HS2ST1: variants seen among roughly 807,000 people sequenced by gnomAD.
HS2ST1 encodes 2-O-sulfotransferase.
A neutral mutation model predicts 42.9 loss-of-function variants in HS2ST1; 18 were observed. That is an observed-to-expected ratio of 0.42 (90% CI 0.29 to 0.62). The LOEUF (loss-of-function observed/expected upper bound fraction) is 0.62. Among genes scored for constraint, HS2ST1 ranks in the 20% least tolerant of loss-of-function variants. The probability of loss-of-function intolerance (pLI) is 0.21; values close to 1 mark genes in which losing one functional copy is unlikely to be tolerated. For synonymous variants in HS2ST1, 146 were observed against 152.9 expected, an observed-to-expected ratio of 0.95 and a Z score of 0.33; for missense variants, 334 against 433.8, an observed-to-expected ratio of 0.77 and a Z score of 2.04.
At chr1:87,044,909 T>G in intron 1 of HS2ST1, 2 of 1,459,366 alleles carry the variant, frequency 1.4e-6, no homozygotes, top group Non-Finnish European at 1.9e-6. Context: ...GTAAGAGGGC[T>G]CTGTTTAGAG....
intron 1 of HS2ST1, among the ~76,000 whole-genome samples, chr1:86,956,082 A>G (rs1484150116): frequency 1.3e-5 from 2 of 152,236 alleles, no homozygotes; most frequent in African/African-American, 2.4e-5. Flanking sequence ...ATATGTGTGT[A>G]TATATACATA....
At chr1:87,015,309 G>A (rs538113290) in intron 1 of HS2ST1, among the ~76,000 whole-genome samples, 78 of 150,874 alleles carry the variant, frequency 5.2e-4, no homozygotes, top group African/African-American at 1.8e-3. Flanking sequence ...GCCTCCCAAA[G>A]TGCTGGGATT....
intron 1 of HS2ST1, among the ~76,000 whole-genome samples, chr1:86,970,888 C>T (rs1487354648): frequency 6.6e-6 from 1 of 152,020 alleles, no homozygotes; most frequent in Non-Finnish European, 1.5e-5. Flanking sequence ...AAATAATTTA[C>T]AGGTCAAATA....
chr1:86,995,117 T>A (rs758561090), intron 1 of HS2ST1, among the ~76,000 whole-genome samples: 1 of 152,256 alleles, frequency 6.6e-6, no homozygotes, highest in Non-Finnish European at 1.5e-5. Flanking sequence ...GATGAAAGAG[T>A]CTAAACCTGT....
At chr1:87,059,658 G>A (rs894833447) in intron 1 of HS2ST1, among the ~76,000 whole-genome samples, 1 of 152,146 alleles carries the variant, frequency 6.6e-6, no homozygotes, top group Admixed American at 6.5e-5. Context: ...ATGATATTTT[G>A]TATTTTAAAA....
intron 1 of HS2ST1, among the ~76,000 whole-genome samples, chr1:86,943,887 A>G (rs1199731): frequency 0.37 from 55,768 of 151,750 alleles, 12,229 homozygotes; most frequent in African/African-American, 0.62. Flanking sequence ...TTAGCTGGGC[A>G]TGGTGGCGGG....
rs186983743 is a variant in HS2ST1 at position 86,953,784 on chromosome 1, A to G, written c.124+38624A>G. 3.0e-3 allele frequency among the ~76,000 whole-genome samples: 457 copies of G among 152,050 alleles called. 2 individuals are homozygous for G. The highest frequency in any genetic ancestry group is 0.01 in the African/African-American group (424 of 41,518). On this transcript the variant is annotated intron_variant, in intron 1 of 6. Transcript: ENST00000370550. The stretch of plus-strand genomic sequence containing the variant: ...CAAAAAATAAAAAAATTTAAAAATA[A>G]AGTGAATGACATGGGACTCTTCCTT...
Position 86,964,007 on chromosome 1 carries a change from C to T in HS2ST1, c.124+48847C>T, listed in dbSNP as rs564360793. Among the ~76,000 whole-genome samples the T allele has an allele frequency of 1.1e-4, 16 of 150,278 alleles. No homozygotes were observed. In the South Asian group the frequency reaches 1.7e-3, roughly 16 times the overall value. On this transcript the variant is annotated intron_variant, in intron 1 of 6. Coordinates refer to ENST00000370550, the MANE Select transcript of HS2ST1 (RefSeq NM_012262.4). Reference sequence around the variant, plus strand: ...CTCCTCACTTCTCAGACAGGGCGGCCGGGCAGAGACGCTCCTCACCTCCCA... The same window carrying T: ...CTCCTCACTTCTCAGACAGGGCGGCTGGGCAGAGACGCTCCTCACCTCCCA...
Position 87,053,017 on chromosome 1 carries a change from T to C in HS2ST1, c.125-19917T>C, listed in dbSNP as rs540187454. On this transcript the variant is annotated intron_variant, in intron 1 of 6. Transcript: ENST00000370550. ...AAATGCTCCAAGTAATTCTGATGCA[T>C]GCTCAGTTTGAGAACCACTGCTTTA... Among the ~76,000 whole-genome samples, 10 of 152,316 alleles carry C rather than the reference T, an allele frequency of 6.6e-5. No individual in the cohort carries two copies. In the East Asian group the frequency reaches 1.9e-3, roughly 29 times the overall value.
chr1:87,011,218 T>G (rs12135819), intron 1 of HS2ST1, among the ~76,000 whole-genome samples: 105,890 of 152,046 alleles, frequency 0.7, 39,164 homozygotes, highest in East Asian at 0.97. Flanking sequence ...TGTTCAGTTA[T>G]AATTCCTTTT....
intron 1 of HS2ST1, among the ~76,000 whole-genome samples, chr1:86,920,352 T>C (rs539977282): frequency 6.6e-6 from 1 of 152,242 alleles, no homozygotes; most frequent in African/African-American, 2.4e-5. Flanking sequence ...TACAAGTAAG[T>C]TCCTGAAACC....
chr1:86,948,759 G>A (rs900128457), intron 1 of HS2ST1, among the ~76,000 whole-genome samples: 1 of 152,068 alleles, frequency 6.6e-6, no homozygotes, highest in Non-Finnish European at 1.5e-5. Flanking sequence ...ACGGTTTTAG[G>A]ATCTGTTATT....
At chr1:86,998,532 C>T (rs139830569) in intron 1 of HS2ST1, among the ~76,000 whole-genome samples, 2 of 152,140 alleles carry the variant, frequency 1.3e-5, no homozygotes, top group Non-Finnish European at 2.9e-5. Flanking sequence ...GGTTTTACTA[C>T]AGAAGCACAA....
intron 1 of HS2ST1, among the ~76,000 whole-genome samples, chr1:86,993,809 A>G (rs1183977967): frequency 2.0e-5 from 3 of 152,202 alleles, no homozygotes; most frequent in Admixed American, 6.5e-5. Context: ...ACAAAAAGCC[A>G]GAAATTCTAT....
At chr1:87,044,999 C>G in intron 1 of HS2ST1, 1 of 1,572,934 alleles carries the variant, frequency 6.4e-7, no homozygotes, top group Non-Finnish European at 8.7e-7. Context: ...CACTGAGATT[C>G]TCTTTCTCGT....
chr1:86,945,688 C>G (rs964297065), intron 1 of HS2ST1, among the ~76,000 whole-genome samples: 5 of 152,132 alleles, frequency 3.3e-5, no homozygotes, highest in African/African-American at 1.2e-4. Flanking sequence ...TATGAATATG[C>G]CAGGCATCGG....
Position 86,985,509 on chromosome 1 carries a change from CATATATATACACATATATAT to C in HS2ST1, c.124+70351_124+70370del, listed in dbSNP as rs1296622566. ...ACACATATATATACACATATATACACATATATATACACATATATATACATATATATACACACATATATATA... is the reference window on the plus strand; with the variant it reads ...ACACATATATATACACATATATACACACATATATATACACACATATATATA... On this transcript the variant is annotated intron_variant, in intron 1 of 6. Transcript: ENST00000370550. Among the ~76,000 whole-genome samples the C allele has an allele frequency of 5.4e-5, 2 of 37,016 alleles. 1 individual carries two copies. The highest frequency in any genetic ancestry group is 2.5e-3 in the South Asian group (2 of 808). 24.3% of individuals were successfully genotyped at this position (37,016 alleles called of 152,430 possible).
At chr1:87,060,109 G>A (rs938694322) in intron 1 of HS2ST1, among the ~76,000 whole-genome samples, 4 of 152,010 alleles carry the variant, frequency 2.6e-5, no homozygotes, top group African/African-American at 9.7e-5. Flanking sequence ...GGCTTTGGTT[G>A]TGGTTTTTTA....
At chr1:87,018,662 G>A (rs532169715) in intron 1 of HS2ST1, among the ~76,000 whole-genome samples, 102 of 152,256 alleles carry the variant, frequency 6.7e-4, no homozygotes, top group African/African-American at 2.5e-3. Flanking sequence ...AGCATCTTCT[G>A]TGCCATCCAG....
Sources: allele counts gnomAD v4.1 joint callset (sites outside exome capture counted in the v4.1 genomes callset), GRCh38; gene constraint gnomAD v4.1.1; transcripts MANE v1.5; gene names NCBI Gene and HGNC (gene_info 2026-07-23, HGNC 2026-07-21).